Variants in MEGF9 observed in about 807,000 individuals in gnomAD.
The protein encoded by MEGF9 is multiple epidermal growth factor-like domains protein 9.
In MEGF9, 6 loss-of-function variants were observed where a neutral mutation model predicts 46.8. That is an observed-to-expected ratio of 0.13 (90% CI 0.07 to 0.25). MEGF9 has a LOEUF of 0.25. Among genes scored for constraint, MEGF9 ranks in the 10% least tolerant of loss-of-function variants. The probability of loss-of-function intolerance (pLI) is 1.00; values close to 1 mark genes in which losing one functional copy is unlikely to be tolerated. For synonymous variants in MEGF9, 302 were observed against 330.7 expected, an observed-to-expected ratio of 0.91 and a Z score of 0.94; for missense variants, 683 against 792.4, an observed-to-expected ratio of 0.86 and a Z score of 1.66.
chr9:120,629,628 G>A (rs1587978152), intron 2 of MEGF9, among the ~76,000 whole-genome samples: 1 of 151,150 alleles, frequency 6.6e-6, no homozygotes, highest in Non-Finnish European at 1.5e-5. Flanking sequence ...GTGACAGAGT[G>A]AGACAGTCCC....
chr9:120,646,291 C>A lies in MEGF9; in HGVS notation c.803+13083G>T, dbSNP rs764362305. Among the ~76,000 whole-genome samples the A allele has an allele frequency of 1.5e-4, 23 of 152,212 alleles. No individual in the cohort carries two copies. The South Asian group carries it at 4.2e-3, about 27-fold the overall frequency. Reference sequence around the variant, plus strand: ...CTACTCATTCTCCTACTGCTACAATCCAGTGTTGATCTTTCTCCTGCTTAA... The same window carrying A: ...CTACTCATTCTCCTACTGCTACAATACAGTGTTGATCTTTCTCCTGCTTAA... On this transcript the variant is annotated intron_variant, in intron 2 of 5. Transcript: ENST00000373930.
chr9:120,628,595 T>C (rs1317318900), intron 2 of MEGF9, among the ~76,000 whole-genome samples: 1 of 148,380 alleles, frequency 6.7e-6, no homozygotes, highest in Non-Finnish European at 1.5e-5. Context: ...CCAACGGTCA[T>C]GCAACGAGGG....
rs1554794918 is a variant in MEGF9 at position 120,622,434 on chromosome 9, T to TTTTTTTTTTTTA, written c.943+181_943+182insTAAAAAAAAAAA. On this transcript the variant is annotated intron_variant, in intron 3 of 5. Transcript: ENST00000373930. ...GTATATGACTTTTTTTTTTTTTTTT[T>TTTTTTTTTTTTA]AATTTACGTACTTTTTCAAGTTTGT... 3.4e-4 allele frequency among the ~76,000 whole-genome samples: 50 copies of TTTTTTTTTTTTA among 148,166 alleles called. 1 individual carries two copies. The highest frequency in any genetic ancestry group is 1.2e-3 in the African/African-American group (47 of 39,616).
rs530575674 is a variant in MEGF9, at chr9:120,629,052, T to C, written c.804-6297A>G. On this transcript the variant is annotated intron_variant, in intron 2 of 5. Transcript: ENST00000373930. ...GTGCAGTGGTGCGATCACAGCTCACTGCAGCCTCAACCTCCCTGGCTCAAG... is the reference window on the plus strand; with the variant it reads ...GTGCAGTGGTGCGATCACAGCTCACCGCAGCCTCAACCTCCCTGGCTCAAG... Among the ~76,000 whole-genome samples the C allele has an allele frequency of 3.3e-5, 5 of 152,288 alleles. No homozygotes were observed. The East Asian group carries it at 7.7e-4, about 24-fold the overall frequency.
At chr9:120,606,687 TAACA>T (rs1471315534) in intron 5 of MEGF9, among the ~76,000 whole-genome samples, 2 of 152,204 alleles carry the variant, frequency 1.3e-5, no homozygotes, top group Non-Finnish European at 2.9e-5. Flanking sequence ...ATGTGAATAA[TAACA>T]TCAACTTTGC....
At chr9:120,708,661 T>C (rs1369865514) in intron 1 of MEGF9, among the ~76,000 whole-genome samples, 1 of 152,228 alleles carries the variant, frequency 6.6e-6, no homozygotes, top group Admixed American at 6.5e-5. Context: ...TGTAAATTTA[T>C]TCTGCCCTAT....
intron 3 of MEGF9, among the ~76,000 whole-genome samples, chr9:120,618,780 A>G (rs564868939): frequency 6.6e-6 from 1 of 151,922 alleles, no homozygotes; most frequent in Admixed American, 6.6e-5. Flanking sequence ...GGCGCCTGTA[A>G]TCCCAGCTAC....
At chr9:120,619,906 C>T (rs2043490595) in intron 3 of MEGF9, among the ~76,000 whole-genome samples, 1 of 152,200 alleles carries the variant, frequency 6.6e-6, no homozygotes, top group Non-Finnish European at 1.5e-5. Flanking sequence ...GAAAATAGGA[C>T]TGTGAAAACA....
rs2043393934 is a variant in MEGF9 at position 120,601,172 on chromosome 9, T to C, written c.*4018A>G. 2 of 152,634 alleles carry C rather than the reference T, an allele frequency of 1.3e-5. No homozygotes were observed. Among genetic ancestry groups the C allele is most frequent in the Non-Finnish European group, 2.9e-5 (2 of 68,048 alleles). The allele number at this position is 152,634 out of a possible 1,614,324, so 9.5% of individuals were successfully genotyped here. A position where few individuals can be genotyped will look rare whatever the true frequency, so the allele number is the denominator to read the frequency against. On this transcript the variant is annotated 3_prime_UTR_variant, in exon 6 of 6. Transcript: ENST00000373930. The stretch of plus-strand genomic sequence containing the variant: ...ATTATAGAGTGCTTATGCCTAGCAT[T>C]ACAACTTGACTTTAAATCATTTAGC...
At chr9:120,667,107 C>G (rs952685795) in intron 1 of MEGF9, among the ~76,000 whole-genome samples, 6 of 152,076 alleles carry the variant, frequency 3.9e-5, no homozygotes, top group Non-Finnish European at 8.8e-5. Flanking sequence ...GCAATGAGGT[C>G]TTACTAGATT....
chr9:120,651,900 C>T (rs1297108025), intron 2 of MEGF9, among the ~76,000 whole-genome samples: 2 of 151,692 alleles, frequency 1.3e-5, no homozygotes, highest in Non-Finnish European at 2.9e-5. Context: ...ATCCACCCAC[C>T]TCGGCCTCCC....
intron 1 of MEGF9, among the ~76,000 whole-genome samples, chr9:120,694,398 A>G (rs1420068531): frequency 1.3e-5 from 2 of 152,272 alleles, no homozygotes; most frequent in East Asian, 3.8e-4. Context: ...GATTGGAAGC[A>G]GTGAAGTAAA....
At chr9:120,706,839 GA>G (rs1208882584) in intron 1 of MEGF9, among the ~76,000 whole-genome samples, 1 of 151,888 alleles carries the variant, frequency 6.6e-6, no homozygotes, top group East Asian at 1.9e-4. Context: ...TGTCTCAAAA[GA>G]AAAAAACAGA....
intron 2 of MEGF9, among the ~76,000 whole-genome samples, chr9:120,627,623 C>T (rs889720425): frequency 1.1e-4 from 17 of 152,212 alleles, no homozygotes; most frequent in African/African-American, 2.2e-4. Flanking sequence ...CTATCACGCC[C>T]GGCTAATTTT....
chr9:120,624,093 T>C (rs1175484755), intron 2 of MEGF9, among the ~76,000 whole-genome samples: 1 of 152,230 alleles, frequency 6.6e-6, no homozygotes, highest in Non-Finnish European at 1.5e-5. Flanking sequence ...GGGTTTTCCC[T>C]TAATAATTCT....
intron 2 of MEGF9, among the ~76,000 whole-genome samples, chr9:120,633,236 G>T (rs2043558418): frequency 6.6e-6 from 1 of 152,100 alleles, no homozygotes; most frequent in Non-Finnish European, 1.5e-5. Context: ...TCTTTATTGG[G>T]AGGCTTTTTA....
intron 1 of MEGF9, among the ~76,000 whole-genome samples, chr9:120,695,050 AAGAG>A (rs1228133744): frequency 1.7e-3 from 250 of 150,940 alleles, no homozygotes; most frequent in South Asian, 3.3e-3. Context: ...AAAAAAAAAA[AAGAG>A]AGAGAGAGAG....
At chr9:120,649,733 A>G (rs1253231079) in intron 2 of MEGF9, among the ~76,000 whole-genome samples, 1 of 152,204 alleles carries the variant, frequency 6.6e-6, no homozygotes, top group Admixed American at 6.5e-5. Flanking sequence ...ATGACCAGAA[A>G]TATGCATATG....
At chr9:120,653,182 C>A (rs940723318) in intron 2 of MEGF9, among the ~76,000 whole-genome samples, 4 of 152,118 alleles carry the variant, frequency 2.6e-5, no homozygotes, top group African/African-American at 9.7e-5. Flanking sequence ...TGCAACTTTC[C>A]ATTTCTGTTC....
Sources: gnomAD v4.1 joint callset for allele counts (sites outside exome capture counted in the v4.1 genomes callset) on GRCh38, gnomAD v4.1.1 for gene constraint, MANE v1.5 for transcripts, NCBI Gene and HGNC (gene_info 2026-07-23, HGNC 2026-07-21) for gene names.